Variants in CNTNAP2 observed in about 807,000 individuals in gnomAD.
CNTNAP2 encodes the protein contactin associated protein 2.
CNTNAP2 carries 98 observed loss-of-function variants against 155.2 expected under a neutral mutation model. The ratio of observed to expected loss-of-function variants is 0.63; its 90% confidence interval spans 0.54 to 0.75. CNTNAP2 has a LOEUF of 0.75. CNTNAP2 is among the 30% of genes least tolerant of loss of function. The pLI is 0.00. For synonymous variants in CNTNAP2, 651 were observed against 631.2 expected (o/e 1.03, Z -0.47); for missense variants, 1,727 against 1,688.1 (o/e 1.02, Z -0.40).
intron 3 of CNTNAP2, among the ~76,000 whole-genome samples, chr7:146,971,665 C>T (rs1797801101): frequency 6.6e-6 from 1 of 152,054 alleles, no homozygotes; most frequent in South Asian, 2.1e-4. Context: ...TTGCCAACTC[C>T]CTGTTGCATC....
intron 1 of CNTNAP2, among the ~76,000 whole-genome samples, chr7:146,481,811 G>C (rs1796963690): frequency 6.6e-6 from 1 of 152,116 alleles, no homozygotes; most frequent in Non-Finnish European, 1.5e-5. Flanking sequence ...AGTAGAAGTG[G>C]TGTTGAGGGG....
At chr7:146,637,738 C>G (rs908269645) in intron 1 of CNTNAP2, among the ~76,000 whole-genome samples, 1 of 152,096 alleles carries the variant, frequency 6.6e-6, no homozygotes, top group Admixed American at 6.6e-5. Context: ...GGAATTGATT[C>G]CTAAACCCCA....
intron 1 of CNTNAP2, among the ~76,000 whole-genome samples, chr7:146,210,847 T>C (rs1385730869): frequency 6.6e-6 from 1 of 151,922 alleles, no homozygotes; most frequent in Non-Finnish European, 1.5e-5. Context: ...ATTTTTTTTT[T>C]TTTCGTGGTC....
intron 1 of CNTNAP2, among the ~76,000 whole-genome samples, chr7:146,249,174 C>G (rs368637494): frequency 4.6e-5 from 7 of 152,070 alleles, no homozygotes; most frequent in Non-Finnish European, 1.0e-4. Flanking sequence ...TGGATGTGTA[C>G]GTGCAGGTCA....
chr7:147,168,121 G>T (rs895294485), intron 8 of CNTNAP2, among the ~76,000 whole-genome samples: 1 of 148,144 alleles, frequency 6.8e-6, no homozygotes, highest in African/African-American at 2.5e-5. Flanking sequence ...TATGACATTA[G>T]ACATAATGTA....
intron 11 of CNTNAP2, chr7:147,496,692 T>C (rs934379076): frequency 6.6e-6 from 1 of 152,220 alleles, no homozygotes; most frequent in Non-Finnish European, 1.5e-5. Context: ...ATTTGTTTGC[T>C]AAACTCTATT....
chr7:147,183,538 C>G (rs1423692069), intron 8 of CNTNAP2, among the ~76,000 whole-genome samples: 1 of 151,958 alleles, frequency 6.6e-6, no homozygotes, highest in East Asian at 1.9e-4. Context: ...TATTCATTGA[C>G]ATATTCAGCC....
chr7:147,891,424 T>C (rs1003705465), intron 13 of CNTNAP2, among the ~76,000 whole-genome samples: 5 of 152,048 alleles, frequency 3.3e-5, no homozygotes, highest in African/African-American at 4.8e-5. Flanking sequence ...AGGCTGGTCT[T>C]GAACTCCTGA....
At chr7:147,739,669 G>C (rs1796923147) in intron 13 of CNTNAP2, among the ~76,000 whole-genome samples, 1 of 151,738 alleles carries the variant, frequency 6.6e-6, no homozygotes, top group African/African-American at 2.4e-5. Context: ...GCTGAAAATT[G>C]GAAGGAAAAT....
At chr7:148,261,772 G>A (rs1170708974) in intron 20 of CNTNAP2, among the ~76,000 whole-genome samples, 1 of 152,112 alleles carries the variant, frequency 6.6e-6, no homozygotes, top group Non-Finnish European at 1.5e-5. Context: ...TGGCTGAGAC[G>A]CTAGGGTCAC....
chr7:146,289,933 C>G (rs1166475228), intron 1 of CNTNAP2, among the ~76,000 whole-genome samples: 1 of 152,054 alleles, frequency 6.6e-6, no homozygotes, highest in African/African-American at 2.4e-5. Context: ...GACCACTTTT[C>G]TCTTATGCTT....
intron 1 of CNTNAP2, among the ~76,000 whole-genome samples, chr7:146,536,056 T>C (rs1797864342): frequency 6.6e-6 from 1 of 152,150 alleles, no homozygotes; most frequent in African/African-American, 2.4e-5. Flanking sequence ...TCCACGTTTA[T>C]TTTCTCCTTT....
chr7:146,866,585 C>A (rs1259786434), intron 3 of CNTNAP2, among the ~76,000 whole-genome samples: 4 of 152,096 alleles, frequency 2.6e-5, no homozygotes, highest in African/African-American at 9.7e-5. Context: ...TCCATGACTT[C>A]ACATATGATT....
intron 1 of CNTNAP2, among the ~76,000 whole-genome samples, chr7:146,477,624 AACACACACACACACACACACACACACAC>A (rs1162610079): frequency 3.4e-3 from 447 of 131,724 alleles, no homozygotes; most frequent in Non-Finnish European, 5.3e-3. Context: ...TTCTTCAGCA[AACACACACACACACACACACACACACAC>A]ACACACACAC....
At chr7:147,782,018 G>GT in intron 13 of CNTNAP2, among the ~76,000 whole-genome samples, 1 of 117,788 alleles carries the variant, frequency 8.5e-6, no homozygotes, top group East Asian at 2.2e-4. Context: ...GCAAGATTCC[G>GT]TTTAAAAAAA....
intron 1 of CNTNAP2, among the ~76,000 whole-genome samples, chr7:146,569,219 C>T (rs975946344): frequency 5.3e-5 from 8 of 151,896 alleles, no homozygotes; most frequent in Non-Finnish European, 8.8e-5. Flanking sequence ...GGTTTCACCG[C>T]GTTAGCCAGG....
In CNTNAP2 at chr7:146,801,523, A is replaced by G. The variant is rs374793182; in HGVS notation, c.208+27142A>G. Among the ~76,000 whole-genome samples, 195 of 152,316 alleles carry G rather than the reference A, an allele frequency of 1.3e-3. 2 individuals are homozygous for G. The highest frequency in any genetic ancestry group is 0.01 in the Middle Eastern group (3 of 294). The stretch of plus-strand genomic sequence containing the variant: ...ATTTATTCAGGCATAAAAAGTTTCT[A>G]TTTCCAAGAAAGGTACGTAAGTGGA... On this transcript the variant is annotated intron_variant, in intron 2 of 23. Coordinates refer to ENST00000361727, the MANE Select transcript of CNTNAP2 (RefSeq NM_014141.6).
At chr7:148,143,101 T>A (rs987011949) in intron 16 of CNTNAP2, among the ~76,000 whole-genome samples, 1 of 152,250 alleles carries the variant, frequency 6.6e-6, no homozygotes, top group East Asian at 1.9e-4. Context: ...TTATTTCTCT[T>A]AGAATCTCTT....
intron 15 of CNTNAP2, among the ~76,000 whole-genome samples, chr7:148,084,051 G>A (rs1338671147): frequency 1.3e-5 from 2 of 152,184 alleles, no homozygotes; most frequent in Non-Finnish European, 2.9e-5. Flanking sequence ...AAGATCCCCT[G>A]AAAGTTGAAA....
Sources: gnomAD v4.1 joint callset for allele counts (sites outside exome capture counted in the v4.1 genomes callset) on GRCh38, gnomAD v4.1.1 for gene constraint, MANE v1.5 for transcripts, NCBI Gene and HGNC (gene_info 2026-07-23, HGNC 2026-07-21) for gene names.